The following STRADB variants were observed in gnomAD, a reference collection of about 807,000 sequenced individuals.
STRADB encodes STE20 related adaptor beta, also known as STE20-related kinase adapter protein beta.
In STRADB, 34 loss-of-function variants were observed where a neutral mutation model predicts 52.1. That is an observed-to-expected ratio of 0.65 (90% confidence interval 0.50 to 0.87). The LOEUF is 0.87. STRADB is among the 40% of genes least tolerant of loss of function. The probability of loss-of-function intolerance (pLI) is 0.00; values close to 1 mark genes in which losing one functional copy is unlikely to be tolerated. For synonymous variants in STRADB, 133 were observed against 174.5 expected (o/e 0.76, Z 1.87); for missense variants, 340 against 483.9 (o/e 0.70, Z 2.79).
At chr2:201,470,266 A>G (rs1032042877) in intron 4 of STRADB, among the ~76,000 whole-genome samples, 5 of 152,172 alleles carry the variant, frequency 3.3e-5, no homozygotes, top group Non-Finnish European at 5.9e-5. Context: ...TTACTTTTCC[A>G]TTGAAGTACA....
At chr2:201,467,494 G>C (rs569618106) in intron 3 of STRADB, among the ~76,000 whole-genome samples, 3 of 152,088 alleles carry the variant, frequency 2.0e-5, no homozygotes, top group Non-Finnish European at 4.4e-5. Context: ...GGATGGCACC[G>C]GTTACTCCAT....
chr2:201,461,539 A>AT (rs1474897939), intron 3 of STRADB, among the ~76,000 whole-genome samples: 5 of 152,128 alleles, frequency 3.3e-5, no homozygotes, highest in African/African-American at 4.8e-5. Context: ...AGATTGTTAG[A>AT]TTTTTTAAAT....
At chr2:201,475,184 G>C (rs951300030) in intron 6 of STRADB, among the ~76,000 whole-genome samples, 17 of 152,134 alleles carry the variant, frequency 1.1e-4, no homozygotes, top group African/African-American at 3.4e-4. Flanking sequence ...GCTTCTTGAG[G>C]GCCGGGATCA....
chr2:201,475,350 A>AT (rs1553628204), intron 6 of STRADB, among the ~76,000 whole-genome samples: 39 of 151,284 alleles, frequency 2.6e-4, no homozygotes, highest in African/African-American at 5.1e-4. Context: ...AAGAAAAAAA[A>AT]AAATATATAT....
chr2:201,463,912 T>C (rs554224519), intron 3 of STRADB, among the ~76,000 whole-genome samples: 32 of 152,252 alleles, frequency 2.1e-4, no homozygotes, highest in South Asian at 4.2e-4. Flanking sequence ...TGAATTAGAA[T>C]TTGCTTGATT....
chr2:201,458,099 AC>A (rs1952155055), intron 2 of STRADB, among the ~76,000 whole-genome samples: 1 of 152,206 alleles, frequency 6.6e-6, no homozygotes. Flanking sequence ...ATGTGTTTAT[AC>A]TTTTCTTTTG....
chr2:201,454,315 G>A (rs2287054), intron 1 of STRADB, among the ~76,000 whole-genome samples: 100,718 of 152,084 alleles, frequency 0.66, 33,537 homozygotes, highest in South Asian at 0.84. Context: ...AAGTTTAGTT[G>A]TAATATGTGG....
At chr2:201,467,640 A>G (rs750925088) in intron 3 of STRADB, among the ~76,000 whole-genome samples, 2 of 151,996 alleles carry the variant, frequency 1.3e-5, no homozygotes, top group Non-Finnish European at 2.9e-5. Context: ...TATTCTTAAT[A>G]TTTTCTTTTC....
chr2:201,456,588 A>G (rs1466180314), intron 2 of STRADB, among the ~76,000 whole-genome samples: 1 of 152,116 alleles, frequency 6.6e-6, no homozygotes, highest in Non-Finnish European at 1.5e-5. Flanking sequence ...TTTTTTCCTT[A>G]AACGAGAAAT....
At chr2:201,474,453 T>C (rs1425828430) in intron 5 of STRADB, among the ~76,000 whole-genome samples, 194 bp from the exon 6 acceptor site, 1 of 152,232 alleles carries the variant, frequency 6.6e-6, no homozygotes, top group Non-Finnish European at 1.5e-5. Flanking sequence ...TTTTTAAGTG[T>C]TGTCTTCTGA....
At chr2:201,455,349 TTTCATCCTGTTTTATACATAATAA>T (rs1178888182) in intron 2 of STRADB, among the ~76,000 whole-genome samples, 2 of 152,204 alleles carry the variant, frequency 1.3e-5, no homozygotes, top group Non-Finnish European at 2.9e-5. Context: ...GCTTGAGGAC[TTTCATCCTGTTTTATACATAATAA>T]TAATATTTGA....
rs1205367394 is a variant in STRADB, at chr2:201,480,201, T to C, written c.*26T>C. ...GGCTGCCAAATCATTTTATGTCCTA[T>C]ATACTTGACACTTTCTCCTTGCTGC... is the stretch of plus-strand genomic sequence containing the variant. On this transcript the variant is annotated 3_prime_UTR_variant, in exon 12 of 12. Coordinates refer to ENST00000194530, the MANE Select transcript of STRADB (RefSeq NM_018571.6). 1.9e-6 allele frequency: 3 copies of C among 1,606,842 alleles called. No homozygotes were observed. Among genetic ancestry groups the C allele is most frequent in the Admixed American group, 1.7e-5 (1 of 59,096 alleles).
At chr2:201,477,334 G>A (rs1327848758) in intron 7 of STRADB, among the ~76,000 whole-genome samples, 6 of 152,088 alleles carry the variant, frequency 3.9e-5, no homozygotes, top group Non-Finnish European at 4.4e-5. Context: ...AAAGTGCTGG[G>A]ATTACAGGCG....
chr2:201,470,993 G>T (rs940796362), intron 4 of STRADB, among the ~76,000 whole-genome samples: 1 of 152,136 alleles, frequency 6.6e-6, no homozygotes, highest in African/African-American at 2.4e-5. Flanking sequence ...TGTACTGCCC[G>T]CCACCAGACG....
At chr2:201,462,808 T>C (rs748555792) in intron 3 of STRADB, among the ~76,000 whole-genome samples, 1 of 152,242 alleles carries the variant, frequency 6.6e-6, no homozygotes, top group Non-Finnish European at 1.5e-5. Context: ...ATGAGTAGTT[T>C]ACACACCACA....
At chr2:201,475,502 T>A in intron 6 of STRADB, 117 bp from the exon 7 acceptor site, 3 of 1,224,708 alleles carry the variant, frequency 2.4e-6, no homozygotes, top group Non-Finnish European at 3.5e-6. Flanking sequence ...GTTGTTTGGG[T>A]TAGACTCCAA....
intron 3 of STRADB, among the ~76,000 whole-genome samples, chr2:201,463,499 C>T (rs1952250135): frequency 6.6e-6 from 1 of 151,800 alleles, no homozygotes; most frequent in African/African-American, 2.4e-5. Context: ...TATCCTTGAC[C>T]TTTGGAAGTT....
chr2:201,475,743 G>T lies in STRADB; in HGVS notation c.548+1G>T, dbSNP rs1952461905. The T allele has an allele frequency of 1.9e-6, 3 of 1,592,008 alleles. No individual in the cohort carries two copies. Among genetic ancestry groups the T allele is most frequent in the African/African-American group, 1.4e-5 (1 of 73,324 alleles). On this transcript the variant is annotated splice_donor_variant, in intron 7 of 11. Coordinates refer to ENST00000194530, the MANE Select transcript of STRADB (RefSeq NM_018571.6). LOFTEE classifies it high-confidence loss of function. ...TGCACCAAAATGGCTGTATTCACAG[G>T]TATTTACTTATTTGTATTTATTAAA...
intron 3 of STRADB, among the ~76,000 whole-genome samples, chr2:201,466,330 T>C (rs2125676974): frequency 6.6e-6 from 1 of 152,316 alleles, no homozygotes; most frequent in East Asian, 1.9e-4. Flanking sequence ...AATTTAAGGA[T>C]TGAAATGTCA....
Sources: allele counts gnomAD v4.1 joint callset (sites outside exome capture counted in the v4.1 genomes callset), GRCh38; gene constraint gnomAD v4.1.1; transcripts MANE v1.5; gene names NCBI Gene and HGNC (gene_info 2026-07-23, HGNC 2026-07-21).